THSD7A: variants seen among roughly 807,000 people sequenced by gnomAD.
The protein encoded by THSD7A is thrombospondin type-1 domain-containing protein 7A.
THSD7A carries 96 observed loss-of-function variants against 231.3 expected under a neutral mutation model. The observed-to-expected ratio is 0.41, with a 90% CI of 0.35 to 0.49. The LOEUF (loss-of-function observed/expected upper bound fraction) is 0.49. Among genes scored for constraint, THSD7A ranks in the 20% least tolerant of loss-of-function variants. THSD7A has a pLI of 0.05. For synonymous variants in THSD7A, 940 were observed against 743.3 expected, an observed-to-expected ratio of 1.26 and a Z score of -4.30; for missense variants, 2,290 against 2,070.2, an observed-to-expected ratio of 1.11 and a Z score of -2.06.
At chr7:11,535,977 A>C (rs1334284516) in intron 6 of THSD7A, among the ~76,000 whole-genome samples, 1 of 152,148 alleles carries the variant, frequency 6.6e-6, no homozygotes, top group Non-Finnish European at 1.5e-5. Flanking sequence ...TATGGCACAA[A>C]AGGTACTCCC....
intron 1 of THSD7A, among the ~76,000 whole-genome samples, chr7:11,661,302 T>C (rs1369704081): frequency 6.6e-6 from 1 of 151,404 alleles, no homozygotes; most frequent in African/African-American, 2.4e-5. Flanking sequence ...ATATAAATTA[T>C]ACACAACTCA....
At chr7:11,788,528 T>C (rs1000502430) in intron 1 of THSD7A, among the ~76,000 whole-genome samples, 3 of 152,090 alleles carry the variant, frequency 2.0e-5, no homozygotes, top group African/African-American at 7.2e-5. Context: ...AAACTGCTTA[T>C]GCCCATATAT....
chr7:11,509,259 G>A (rs1252614221), intron 6 of THSD7A, among the ~76,000 whole-genome samples: 1 of 152,054 alleles, frequency 6.6e-6, no homozygotes, highest in Non-Finnish European at 1.5e-5. Flanking sequence ...TTGGTTTACG[G>A]CATGCATAGC....
chr7:11,654,073 T>C (rs1782616024), intron 1 of THSD7A, among the ~76,000 whole-genome samples: 1 of 151,870 alleles, frequency 6.6e-6, no homozygotes, highest in Non-Finnish European at 1.5e-5. Flanking sequence ...TTGAGAGATA[T>C]TTTTTTCTAA....
intron 16 of THSD7A, among the ~76,000 whole-genome samples, chr7:11,423,062 C>G (rs1037022304): frequency 4.6e-5 from 7 of 152,070 alleles, no homozygotes; most frequent in Non-Finnish European, 8.8e-5. Context: ...AACAGAATCT[C>G]TTTTTCTGTG....
At chr7:11,466,917 G>A in intron 9 of THSD7A, among the ~76,000 whole-genome samples, 1 of 152,084 alleles carries the variant, frequency 6.6e-6, no homozygotes, top group African/African-American at 2.4e-5. Context: ...TGCCTCACAT[G>A]CCTGCCACTC....
At chr7:11,784,585 C>T (rs1458626399) in intron 1 of THSD7A, among the ~76,000 whole-genome samples, 1 of 151,864 alleles carries the variant, frequency 6.6e-6, no homozygotes, top group Admixed American at 6.6e-5. Context: ...TGAATTATTA[C>T]TATTTTTTCT....
chr7:11,726,856 A>C (rs191471483), intron 1 of THSD7A, among the ~76,000 whole-genome samples: 9 of 151,996 alleles, frequency 5.9e-5, no homozygotes, highest in East Asian at 2.0e-4. Context: ...AGTGGGTCTC[A>C]TGTTTTCTAG....
intron 2 of THSD7A, among the ~76,000 whole-genome samples, chr7:11,601,930 C>G (rs1345623361): frequency 6.6e-6 from 1 of 152,206 alleles, no homozygotes; most frequent in East Asian, 1.9e-4. Context: ...GGAATTCAAA[C>G]TTGGATTTCC....
chr7:11,593,189 G>A, intron 3 of THSD7A, 65 bp downstream of exon 3: 1 of 1,578,438 alleles, frequency 6.3e-7, no homozygotes, highest in Non-Finnish European at 8.6e-7. Flanking sequence ...GTACTGTTCA[G>A]TCAAAATCAA....
chr7:11,620,768 C>T (rs1038415471), intron 2 of THSD7A, among the ~76,000 whole-genome samples: 3 of 152,188 alleles, frequency 2.0e-5, no homozygotes, highest in Non-Finnish European at 4.4e-5. Context: ...ACAACCGAAG[C>T]ACTTCATTTG....
At chr7:11,499,992 A>C (rs1211943406) in intron 6 of THSD7A, among the ~76,000 whole-genome samples, 1 of 152,180 alleles carries the variant, frequency 6.6e-6, no homozygotes, top group African/African-American at 2.4e-5. Flanking sequence ...TCTTCACAAG[A>C]AGATCATCCA....
In THSD7A at chr7:11,637,067, C is replaced by T; in HGVS notation, c.191-106G>A. The T allele has an allele frequency of 9.6e-7, 1 of 1,046,928 alleles. No individual in the cohort carries two copies. Among genetic ancestry groups the T allele is most frequent in the Non-Finnish European group, 1.4e-6 (1 of 730,648 alleles). 64.9% of individuals were successfully genotyped at this position (1,046,928 alleles called of 1,614,324 possible). A position where few individuals can be genotyped will look rare whatever the true frequency, so the allele number is the denominator to read the frequency against. On this transcript the variant is annotated intron_variant, in intron 1 of 27. Coordinates refer to ENST00000423059, the MANE Select transcript of THSD7A (RefSeq NM_015204.3). The surrounding 1 kb of genome is among the most constrained non-coding windows in gnomAD (Gnocchi z 4.2). ...AAGACCTAGTACATTAACTTCCCTG[C>T]GGTGTTACAAAGTAGGTCTCTGGAC...
intron 1 of THSD7A, among the ~76,000 whole-genome samples, chr7:11,788,662 T>C (rs13231866): frequency 0.24 from 36,654 of 152,012 alleles, 4,853 homozygotes; most frequent in East Asian, 0.35. Flanking sequence ...GAGTGTAGCA[T>C]AGAGTTGTGG....
rs1783784547 is a variant in THSD7A, at chr7:11,411,454, C to A, written c.3683-132G>T. Reference sequence around the variant, plus strand: ...GCCCCATAATCAATCATCCCCCATGCAGAGCATATGGGTCCCAGCTTTGAA... The same window carrying A: ...GCCCCATAATCAATCATCCCCCATGAAGAGCATATGGGTCCCAGCTTTGAA... On this transcript the variant is annotated intron_variant, in intron 18 of 27. Coordinates refer to ENST00000423059, the MANE Select transcript of THSD7A (RefSeq NM_015204.3). The surrounding 1 kb of genome is among the most constrained non-coding windows in gnomAD (Gnocchi z 4.1). 2 of 642,122 alleles carry A rather than the reference C, an allele frequency of 3.1e-6. No individual in the cohort carries two copies. Among genetic ancestry groups the A allele is most frequent in the Admixed American group, 2.8e-5 (1 of 35,158 alleles). The allele number at this position is 642,122 out of a possible 1,614,324, so 39.8% of individuals were successfully genotyped here. A position where few individuals can be genotyped will look rare whatever the true frequency, so the allele number is the denominator to read the frequency against.
intron 1 of THSD7A, among the ~76,000 whole-genome samples, chr7:11,794,814 C>T (rs1055633495): frequency 6.6e-6 from 1 of 151,950 alleles, no homozygotes; most frequent in Admixed American, 6.6e-5. Flanking sequence ...GAAATAGAAG[C>T]AAATTCTTTA....
rs1783766948 is a variant in THSD7A, at chr7:11,411,041, T to G, written c.3798+166A>C. ...ACAGGAAATTATATGTAGGAATCAG[T>G]AGTGTTGGACATTGTGTCTTTTCAA... On this transcript the variant is annotated intron_variant, in intron 19 of 27. Transcript: ENST00000423059. The surrounding 1 kb of genome is among the most constrained non-coding windows in gnomAD (Gnocchi z 4.1). 6.6e-6 allele frequency among the ~76,000 whole-genome samples: 1 copy of G among 151,954 alleles called. No homozygotes were observed. Among genetic ancestry groups the G allele is most frequent in the South Asian group, 2.1e-4 (1 of 4,820 alleles).
intron 19 of THSD7A, 150 bp from the exon 20 acceptor site, chr7:11,407,573 G>T (rs1425840767): frequency 1.6e-6 from 1 of 641,232 alleles, no homozygotes; most frequent in East Asian, 2.7e-5. Flanking sequence ...CCAAACTATT[G>T]AAAGTATAAA....
chr7:11,421,207 C>T (rs1167255268), intron 16 of THSD7A, among the ~76,000 whole-genome samples: 3 of 152,070 alleles, frequency 2.0e-5, no homozygotes, highest in Non-Finnish European at 2.9e-5. Flanking sequence ...TATGTCCCCA[C>T]CCAAATCTCA....
Sources: gnomAD v4.1 joint callset for allele counts (sites outside exome capture counted in the v4.1 genomes callset) on GRCh38, gnomAD v4.1.1 for gene constraint, Gnocchi (gnomAD v3.1) non-coding constraint, MANE v1.5 for transcripts, NCBI Gene and HGNC (gene_info 2026-07-23, HGNC 2026-07-21) for gene names.